CEP164: variants seen among roughly 807,000 people sequenced by gnomAD.
CEP164 encodes centrosomal protein 164.
Under a neutral mutation model 182.7 loss-of-function variants are expected in CEP164, and 162 were observed. The observed-to-expected ratio is 0.89, with a 90% CI of 0.78 to 1.01. The LOEUF (loss-of-function observed/expected upper bound fraction) is 1.01, where lower values mean the gene tolerates loss of function less well. CEP164 is among the 50% of genes least tolerant of loss of function. CEP164 has a pLI of 0.00. For missense variants in CEP164, 1,735 were observed against 1,790.4 expected, an observed-to-expected ratio of 0.97 and a Z score of 0.56; for synonymous variants, 661 against 690.0, an observed-to-expected ratio of 0.96 and a Z score of 0.66.
At chr11:117,373,369 A>AG (rs1424806279) in intron 9 of CEP164, among the ~76,000 whole-genome samples, 1 of 152,046 alleles carries the variant, frequency 6.6e-6, no homozygotes, top group Non-Finnish European at 1.5e-5. Context: ...CTCGGAAAAA[A>AG]AAAAAAAGAG....
At chr11:117,324,213 A>G (rs554233), upstream of CEP164, among the ~76,000 whole-genome samples, 13,571 of 152,002 alleles carry the variant, frequency 0.089, 715 homozygotes, top group South Asian at 0.2. Context: ...TTGGGAGGCC[A>G]AGGCAGGCAG....
chr11:117,340,288 T>C (rs1219601375), intron 3 of CEP164, among the ~76,000 whole-genome samples: 1 of 152,208 alleles, frequency 6.6e-6, no homozygotes, highest in African/African-American at 2.4e-5. Flanking sequence ...TCCCAGAGGA[T>C]TGGGATTACA....
chr11:117,350,867 G>T lies in CEP164; in HGVS notation c.195-923G>T, dbSNP rs777984366. On this transcript the variant is annotated intron_variant, in intron 4 of 32. Transcript: ENST00000278935. Reference sequence around the variant, plus strand: ...TTTATGTGTGAATATAAAATATTTTGCATTACTCTTTTCCTGTTAGCTGTC... The same window carrying T: ...TTTATGTGTGAATATAAAATATTTTTCATTACTCTTTTCCTGTTAGCTGTC... 1.8e-3 allele frequency among the ~76,000 whole-genome samples: 265 copies of T among 151,200 alleles called. 3 individuals are homozygous for T. The highest frequency in any genetic ancestry group is 2.9e-3 in the Non-Finnish European group (198 of 67,862).
chr11:117,410,310 T>TA (rs1284888412), intron 30 of CEP164: 2 of 435,008 alleles, frequency 4.6e-6, no homozygotes, highest in Non-Finnish European at 4.2e-6. Flanking sequence ...TCTTGTGCAA[T>TA]ACATGATGGG....
chr11:117,392,341 T>C, intron 18 of CEP164, 38 bp downstream of exon 18: 1 of 1,595,906 alleles, frequency 6.3e-7, no homozygotes, highest in Non-Finnish European at 8.5e-7. Context: ...CATGGCTGAT[T>C]AGCAGAATTC....
At chr11:117,365,924 T>G (rs1428066590) in intron 8 of CEP164, among the ~76,000 whole-genome samples, 1 of 152,176 alleles carries the variant, frequency 6.6e-6, no homozygotes, top group Non-Finnish European at 1.5e-5. Flanking sequence ...GACTATGTGC[T>G]TCTTTGGGGG....
chr11:117,362,634 T>C, intron 7 of CEP164, 96 bp downstream of exon 7: 1 of 1,422,882 alleles, frequency 7.0e-7, no homozygotes, highest in Non-Finnish European at 9.6e-7. Flanking sequence ...ATATGTAACA[T>C]AAAATTTGCC....
upstream of CEP164, among the ~76,000 whole-genome samples, chr11:117,327,124 A>T (rs1253700977): frequency 6.6e-6 from 1 of 152,228 alleles, no homozygotes; most frequent in Non-Finnish European, 1.5e-5. Flanking sequence ...AGACATACAA[A>T]CTGAACCCTG....
chr11:117,411,005 A>G lies in CEP164; in HGVS notation c.4163+111A>G, dbSNP rs1329057797. The G allele has an allele frequency of 2.0e-6, 2 of 980,544 alleles. No individual in the cohort carries two copies. The highest frequency in any genetic ancestry group is 2.6e-5 in the East Asian group (1 of 37,816). 60.7% of individuals were successfully genotyped at this position (980,544 alleles called of 1,614,324 possible). A position where few individuals can be genotyped will look rare whatever the true frequency, so the allele number is the denominator to read the frequency against. On this transcript the variant is annotated intron_variant, in intron 31 of 32. Transcript: ENST00000278935. The surrounding 1 kb of genome is among the most constrained non-coding windows in gnomAD (Gnocchi z 4.4). ...GAGCAGACCTCCTGGTCTTACCCCA[A>G]GAAATCAGGCAGGCCTCTAGTCCAC...
chr11:117,357,242 G>A (rs2040410446), intron 5 of CEP164, among the ~76,000 whole-genome samples: 1 of 151,572 alleles, frequency 6.6e-6, no homozygotes, highest in Non-Finnish European at 1.5e-5. Flanking sequence ...AAATAGCTGG[G>A]ATTACAGGTG....
At chr11:117,395,998 C>A (rs895281910) in intron 24 of CEP164, 56 bp from the exon 25 acceptor site, 1 of 1,608,372 alleles carries the variant, frequency 6.2e-7, no homozygotes, top group Non-Finnish European at 8.5e-7. Flanking sequence ...CCCACTTCAC[C>A]CCTCCCCCCC....
At chr11:117,377,463 T>TAGCCA (rs1286222479) in intron 11 of CEP164, among the ~76,000 whole-genome samples, 1 of 152,180 alleles carries the variant, frequency 6.6e-6, no homozygotes, top group Non-Finnish European at 1.5e-5. Context: ...GCTGACCAAG[T>TAGCCA]AGCCAAGCCT....
intron 27 of CEP164, among the ~76,000 whole-genome samples, chr11:117,398,411 T>TC (rs1565605515): frequency 2.0e-5 from 3 of 151,794 alleles, no homozygotes; most frequent in African/African-American, 7.3e-5. Flanking sequence ...ATTCTGGGGG[T>TC]CTGGAGGACG....
In CEP164 at chr11:117,373,037, A is replaced by G. The variant is rs75477324; in HGVS notation, c.1153-714A>G. Among the ~76,000 whole-genome samples, 1,360 of 152,160 alleles carry G rather than the reference A, an allele frequency of 8.9e-3. 24 individuals carry two copies. The highest frequency in any genetic ancestry group is 0.03 in the African/African-American group (1,265 of 41,508). On this transcript the variant is annotated intron_variant, in intron 9 of 32. Transcript: ENST00000278935. ...TTTAGATTTTTCAACCCTTAGTCCT[A>G]TTCCTCCTCCAGGTAGATGATGAGG...
intron 27 of CEP164, among the ~76,000 whole-genome samples, chr11:117,399,520 A>G (rs2045908105): frequency 6.6e-6 from 1 of 152,166 alleles, no homozygotes; most frequent in East Asian, 1.9e-4. Flanking sequence ...TGCTGGGTCA[A>G]ATGGTATTTC....
In CEP164 at chr11:117,351,941, A is replaced by G. The variant is rs2039685668; in HGVS notation, c.346A>G (p.Lys116Glu). ...GGCCATTAAGAAGAAGAAAAAAAAA[A>G]AGGAAAAGAAAGACAAGAAGGACAG... ...SGAIKKKKKK[K>E]EKKDKKDRDP... The change falls in exon 5 of 33, where the codon AAG (lysine) becomes GAG (glutamate). Residue 116 changes from lysine (K) to glutamate (E), a missense_variant. Lys to Glu is a moderately conservative substitution (Grantham distance 56). Coordinates refer to ENST00000278935, the MANE Select transcript of CEP164 (RefSeq NM_014956.5). The G allele has an allele frequency of 6.2e-6, 10 of 1,611,874 alleles. No individual in the cohort carries two copies. The highest frequency in any genetic ancestry group is 8.5e-6 in the Non-Finnish European group (10 of 1,179,070).
intron 9 of CEP164, among the ~76,000 whole-genome samples, chr11:117,372,797 T>A (rs1398751013): frequency 6.6e-6 from 1 of 152,206 alleles, no homozygotes; most frequent in South Asian, 2.1e-4. Context: ...GAACATTGTG[T>A]GTCGTGACGA....
intron 9 of CEP164, 149 bp downstream of exon 9, chr11:117,371,615 G>A (rs973737870): frequency 1.0e-6 from 1 of 985,842 alleles, no homozygotes; most frequent in Non-Finnish European, 1.4e-6. Context: ...ATCAGCCAGA[G>A]CCCTTAATTG....
At chr11:117,390,369 T>A (rs1281214365) in intron 15 of CEP164, among the ~76,000 whole-genome samples, 1 of 151,874 alleles carries the variant, frequency 6.6e-6, no homozygotes, top group Non-Finnish European at 1.5e-5. Context: ...AAGCTTTGAC[T>A]GGGCGCAGTG....
Sources: gnomAD v4.1 joint callset for allele counts (sites outside exome capture counted in the v4.1 genomes callset) on GRCh38, gnomAD v4.1.1 for gene constraint, Gnocchi (gnomAD v3.1) non-coding constraint, MANE v1.5 for transcripts, NCBI Gene and HGNC (gene_info 2026-07-23, HGNC 2026-07-21) for gene names.